OCM: variants seen among roughly 807,000 people sequenced by gnomAD.
The protein encoded by OCM is oncomodulin, also known as oncomodulin-1.
OCM carries 18 observed loss-of-function variants against 14.1 expected under a neutral mutation model. That is an observed-to-expected ratio of 1.28 (90% CI 0.88 to 1.89). The LOEUF (loss-of-function observed/expected upper bound fraction) is 1.89. OCM is among the 40% of genes most tolerant of loss of function. The pLI is 0.00. For missense variants in OCM, 140 were observed against 137.6 expected (o/e 1.02, Z -0.09); for synonymous variants, 48 against 51.0 (o/e 0.94, Z 0.25).
the OCM span, among the ~76,000 whole-genome samples, chr7:5,870,998 C>T: frequency 2.6e-5 from 4 of 151,970 alleles, no homozygotes; most frequent in East Asian, 5.8e-4. Flanking sequence ...GTGATTCTCC[C>T]GCCTCAGCCT....
the OCM span, among the ~76,000 whole-genome samples, chr7:5,870,832 A>G: frequency 6.6e-6 from 1 of 152,144 alleles, no homozygotes; most frequent in African/African-American, 2.4e-5. Flanking sequence ...TTGACATACA[A>G]AATTAACTGT....
the OCM span, among the ~76,000 whole-genome samples, chr7:5,868,584 G>GT: frequency 2.0e-5 from 3 of 151,908 alleles, no homozygotes; most frequent in Non-Finnish European, 4.4e-5. Context: ...AAGAGTGAGG[G>GT]GGAAAAAAGA....
upstream of OCM, among the ~76,000 whole-genome samples, chr7:5,876,557 C>T (rs544587834): frequency 3.9e-5 from 6 of 152,276 alleles, no homozygotes; most frequent in Admixed American, 2.0e-4. Context: ...CACTGCTGAG[C>T]GCCTAAATCT....
At chr7:5,879,033 A>C (rs1781155590), upstream of OCM, among the ~76,000 whole-genome samples, 2 of 151,994 alleles carry the variant, frequency 1.3e-5, no homozygotes, top group African/African-American at 4.8e-5. Context: ...CTCTCCAAAA[A>C]ATATGCATAT....
At chr7:5,864,171 C>T in the OCM span, among the ~76,000 whole-genome samples, 1 of 151,522 alleles carries the variant, frequency 6.6e-6, no homozygotes, top group East Asian at 1.9e-4. Flanking sequence ...GAGATCCCGT[C>T]TCTACAAAAA....
chr7:5,860,383 A>G, the OCM span, among the ~76,000 whole-genome samples: 177 of 142,410 alleles, frequency 1.2e-3, 1 homozygote, highest in African/African-American at 4.3e-3. Flanking sequence ...TATATATATC[A>G]TTAGGTATAT....
At chr7:5,867,434 T>G in the OCM span, among the ~76,000 whole-genome samples, 1 of 152,230 alleles carries the variant, frequency 6.6e-6, no homozygotes, top group Non-Finnish European at 1.5e-5. Flanking sequence ...TAAACAATTT[T>G]ATAATAATGC....
the OCM span, among the ~76,000 whole-genome samples, chr7:5,872,750 G>A: frequency 6.6e-6 from 1 of 152,008 alleles, no homozygotes; most frequent in Admixed American, 6.6e-5. Flanking sequence ...AAGGCCGCAG[G>A]GTCCTCTGCC....
At chr7:5,885,860 C>T (rs1454548431) in intron 3 of OCM, among the ~76,000 whole-genome samples, 7 of 152,286 alleles carry the variant, frequency 4.6e-5, no homozygotes, top group South Asian at 4.1e-4. Flanking sequence ...CCACCCGCCT[C>T]GGCCTCCCAA....
At chr7:5,861,875 G>A in the OCM span, among the ~76,000 whole-genome samples, 8 of 151,824 alleles carry the variant, frequency 5.3e-5, no homozygotes, top group Middle Eastern at 3.4e-3. Flanking sequence ...CACCACACTC[G>A]GCCTACTTTT....
chr7:5,874,292 G>A, the OCM span, among the ~76,000 whole-genome samples: 2 of 145,130 alleles, frequency 1.4e-5, no homozygotes, highest in African/African-American at 2.6e-5. Flanking sequence ...TTTCCTGGGA[G>A]CAATTAGGAA....
chr7:5,867,051 C>T, the OCM span, among the ~76,000 whole-genome samples: 2 of 152,058 alleles, frequency 1.3e-5, no homozygotes, highest in Non-Finnish European at 2.9e-5. Flanking sequence ...TTAACAAATC[C>T]CTGCACATTG....
At chr7:5,864,812 C>T in the OCM span, among the ~76,000 whole-genome samples, 1 of 152,032 alleles carries the variant, frequency 6.6e-6, no homozygotes, top group Admixed American at 6.6e-5. Context: ...GTGGTGCGTG[C>T]CTGCAATCCC....
At chr7:5,880,789 A>G (rs1781195741), upstream of OCM, 1 of 1,095,734 alleles carries the variant, frequency 9.1e-7, no homozygotes, top group Non-Finnish European at 1.4e-6. Flanking sequence ...CTAGACACAC[A>G]TACAGTTTCA....
the OCM span, among the ~76,000 whole-genome samples, chr7:5,873,089 T>C: frequency 6.6e-6 from 1 of 151,788 alleles, no homozygotes; most frequent in Non-Finnish European, 1.5e-5. Flanking sequence ...AATTAAAAAA[T>C]TAAGGCCAGG....
the OCM span, among the ~76,000 whole-genome samples, chr7:5,866,007 A>T: frequency 1.9e-3 from 288 of 152,144 alleles, 1 homozygote; most frequent in Non-Finnish European, 2.6e-3. Flanking sequence ...CATGAATAGC[A>T]TAGGTATTTG....
upstream of OCM, among the ~76,000 whole-genome samples, chr7:5,879,643 A>G (rs185185971): frequency 6.6e-6 from 1 of 151,140 alleles, no homozygotes; most frequent in African/African-American, 2.4e-5. Flanking sequence ...CTTTGCCAAC[A>G]GGGTTCGTTT....
intron 1 of OCM, among the ~76,000 whole-genome samples, chr7:5,882,289 A>G (rs1442168305): frequency 2.0e-5 from 3 of 151,854 alleles, no homozygotes; most frequent in African/African-American, 7.3e-5. Flanking sequence ...CAAGTGGAGG[A>G]GGGAAGACTG....
chr7:5,871,523 A>G, the OCM span, among the ~76,000 whole-genome samples: 1 of 152,022 alleles, frequency 6.6e-6, no homozygotes, highest in Non-Finnish European at 1.5e-5. Context: ...GGGGATAATA[A>G]TATTTCAGAG....
Sources: allele counts gnomAD v4.1 joint callset (sites outside exome capture counted in the v4.1 genomes callset), GRCh38; gene constraint gnomAD v4.1.1; transcripts MANE v1.5; gene names NCBI Gene and HGNC (gene_info 2026-07-23, HGNC 2026-07-21).